The following COL5A2 variants were observed in gnomAD, a reference collection of about 807,000 sequenced individuals.
The protein encoded by COL5A2 is collagen alpha-2(V) chain.
In COL5A2, 23 loss-of-function variants were observed where a neutral mutation model predicts 208.2. The observed-to-expected ratio is 0.11, with a 90% CI of 0.08 to 0.16. COL5A2 has a LOEUF of 0.16. Among genes scored for constraint, COL5A2 ranks in the 10% least tolerant of loss-of-function variants. The pLI, the probability that COL5A2 is intolerant of heterozygous loss-of-function variation, is 1.00. For missense variants in COL5A2, 1,590 were observed against 1,956.4 expected (o/e 0.81, Z 3.53); for synonymous variants, 625 against 628.5 (o/e 0.99, Z 0.08).
At chr2:189,273,597 T>C in the COL5A2 span, among the ~76,000 whole-genome samples, 3 of 152,204 alleles carry the variant, frequency 2.0e-5, no homozygotes, top group South Asian at 2.1e-4. Flanking sequence ...GGAATCAGCC[T>C]AAGTGTCCAT....
the COL5A2 span, among the ~76,000 whole-genome samples, chr2:189,267,021 A>G: frequency 6.6e-6 from 1 of 151,894 alleles, no homozygotes; most frequent in Non-Finnish European, 1.5e-5. Flanking sequence ...AAATGAATTG[A>G]TAAAAAGCAT....
intron 6 of COL5A2, chr2:189,095,862 C>G (rs1378679010): frequency 6.6e-6 from 1 of 151,882 alleles, no homozygotes; most frequent in Non-Finnish European, 1.5e-5. Context: ...TGGAGACCTA[C>G]AGCAGTGTTT....
chr2:189,047,572 G>T (rs1025086687), intron 45 of COL5A2, among the ~76,000 whole-genome samples: 4 of 152,144 alleles, frequency 2.6e-5, no homozygotes, highest in African/African-American at 7.2e-5. Context: ...ATTACTTAGG[G>T]AAACAATATT....
chr2:189,118,943 A>T (rs1212738706), intron 1 of COL5A2, among the ~76,000 whole-genome samples: 1 of 1,050 alleles, frequency 9.5e-4, no homozygotes, highest in Non-Finnish European at 0.031. Context: ...TAGAATCTTT[A>T]AAAAAAAAAC....
chr2:189,183,802 G>A (rs771326279), upstream of COL5A2, among the ~76,000 whole-genome samples: 1 of 152,110 alleles, frequency 6.6e-6, no homozygotes, highest in Non-Finnish European at 1.5e-5. Context: ...AATAATGCAT[G>A]CCTATTTCTT....
intron 1 of COL5A2, among the ~76,000 whole-genome samples, chr2:189,163,831 C>T (rs1262524713): frequency 6.6e-6 from 1 of 152,190 alleles, no homozygotes; most frequent in Non-Finnish European, 1.5e-5. Flanking sequence ...ACAGAAGTAA[C>T]TGAGGTCCAG....
At position 189,068,179 on chromosome 2, in the gene COL5A2, A is replaced by G. The variant is rs759133628; in HGVS notation, c.1302+47T>C. The G allele has an allele frequency of 4.3e-6, 7 of 1,609,230 alleles. No individual in the cohort carries two copies. The South Asian group carries it at 7.7e-5, about 18-fold the overall frequency. The stretch of plus-strand genomic sequence containing the variant: ...GTAGCAGTCTGGGGCCAATGTCTAA[A>G]GAATCATGCCCATTTGAGCTTCACA... On this transcript the variant is annotated intron_variant, in intron 20 of 53. Transcript: ENST00000374866.
At chr2:189,234,450 A>G in the COL5A2 span, among the ~76,000 whole-genome samples, 2 of 151,816 alleles carry the variant, frequency 1.3e-5, no homozygotes, top group African/African-American at 4.8e-5. Context: ...GCTGAATCGC[A>G]TATTTAAATG....
At chr2:189,038,742 G>T (rs72902328) in intron 51 of COL5A2, among the ~76,000 whole-genome samples, 1 of 151,992 alleles carries the variant, frequency 6.6e-6, no homozygotes, top group Non-Finnish European at 1.5e-5. Context: ...CTGTCGCCCA[G>T]GCAGTGGCGC....
chr2:189,111,301 T>C (rs1687255590), intron 1 of COL5A2, among the ~76,000 whole-genome samples: 2 of 152,290 alleles, frequency 1.3e-5, no homozygotes, highest in Non-Finnish European at 2.9e-5. Flanking sequence ...AGTAAACACA[T>C]ATATTACATC....
At chr2:189,308,900 T>G in the COL5A2 span, among the ~76,000 whole-genome samples, 5 of 152,178 alleles carry the variant, frequency 3.3e-5, no homozygotes, top group African/African-American at 1.2e-4. Flanking sequence ...GGGCACATGT[T>G]TTCAGGATGT....
chr2:189,108,783 T>G (rs949760837), intron 2 of COL5A2, among the ~76,000 whole-genome samples: 8 of 151,974 alleles, frequency 5.3e-5, no homozygotes, highest in Admixed American at 1.3e-4. Context: ...TCTTTAAAAA[T>G]TGTAATTCAT....
chr2:189,363,245 G>A, the COL5A2 span, among the ~76,000 whole-genome samples: 1 of 151,958 alleles, frequency 6.6e-6, no homozygotes, highest in Non-Finnish European at 1.5e-5. Context: ...TGCCCATCTG[G>A]AAAGGTAATG....
chr2:189,360,809 C>T, the COL5A2 span, among the ~76,000 whole-genome samples: 3 of 152,066 alleles, frequency 2.0e-5, no homozygotes, highest in Non-Finnish European at 4.4e-5. Flanking sequence ...GTGTTGTTCC[C>T]TTCCTTGTGT....
chr2:189,424,081 C>T, the COL5A2 span, among the ~76,000 whole-genome samples: 1 of 152,028 alleles, frequency 6.6e-6, no homozygotes, highest in African/African-American at 2.4e-5. Flanking sequence ...ACCACATTAA[C>T]AGAATGAAAG....
Position 189,064,643 on chromosome 2 carries a change from C to T in COL5A2, c.1630G>A (p.Glu544Lys). 1 of 1,613,328 alleles carries T rather than the reference C, an allele frequency of 6.2e-7. No homozygotes were observed. Among genetic ancestry groups the T allele is most frequent in the Non-Finnish European group, 8.5e-7 (1 of 1,179,412 alleles). ...GLPGPKGAQGERGPVGSSGPK... is the reference protein window; with the variant it reads ...GLPGPKGAQGKRGPVGSSGPK... ...CCTGAAGAACCTACAGGACCCCGTTCTCCTTGAGCACCCTGTACCGAGGCA... is the reference window on the plus strand; with the variant it reads ...CCTGAAGAACCTACAGGACCCCGTTTTCCTTGAGCACCCTGTACCGAGGCA... The change falls in exon 25 of 54, where the codon GAA (glutamate) becomes AAA (lysine). Residue 544 changes from glutamate (E) to lysine (K), a missense_variant. By Grantham distance (56) the Glu-to-Lys change is moderately conservative. Coordinates refer to ENST00000374866, the MANE Select transcript of COL5A2 (RefSeq NM_000393.5).
intron 10 of COL5A2, 142 bp from the exon 11 acceptor site, chr2:189,085,355 A>C: frequency 1.2e-6 from 1 of 854,594 alleles, no homozygotes; most frequent in Non-Finnish European, 1.9e-6. Context: ...TGAGACAGAG[A>C]AAATAGTTTT....
chr2:189,132,045 T>C (rs1317070668), intron 1 of COL5A2, among the ~76,000 whole-genome samples: 2 of 152,232 alleles, frequency 1.3e-5, no homozygotes, highest in Non-Finnish European at 1.5e-5. Context: ...CTGAGGTTCA[T>C]ATTTTGATTG....
intron 1 of COL5A2, among the ~76,000 whole-genome samples, chr2:189,130,682 T>C (rs1041393171): frequency 2.1e-4 from 32 of 151,874 alleles, no homozygotes; most frequent in African/African-American, 6.0e-4. Flanking sequence ...CTAGCTAGCA[T>C]CTAGTATCTC....
Sources: allele counts gnomAD v4.1 joint callset (sites outside exome capture counted in the v4.1 genomes callset), GRCh38; gene constraint gnomAD v4.1.1; transcripts MANE v1.5; gene names NCBI Gene and HGNC (gene_info 2026-07-23, HGNC 2026-07-21).